The following COL4A2 variants were observed in gnomAD, a reference collection of about 807,000 sequenced individuals.
COL4A2 encodes collagen alpha-2(IV) chain.
Under a neutral mutation model 200.2 loss-of-function variants are expected in COL4A2, and 99 were observed. The observed-to-expected ratio is 0.49, with a 90% CI of 0.42 to 0.58. The LOEUF (loss-of-function observed/expected upper bound fraction) is 0.58, where lower values mean the gene tolerates loss of function less well. Among genes scored for constraint, COL4A2 ranks in the 20% least tolerant of loss-of-function variants. The probability of loss-of-function intolerance (pLI) is 0.00; values close to 1 mark genes in which losing one functional copy is unlikely to be tolerated. For missense variants in COL4A2, 1,950 were observed against 2,314.1 expected (o/e 0.84, Z 3.23); for synonymous variants, 897 against 900.6 (o/e 1.00, Z 0.07).
intron 14 of COL4A2, 60 bp downstream of exon 14, chr13:110,438,097 C>A: frequency 6.8e-7 from 1 of 1,467,680 alleles, no homozygotes; most frequent in East Asian, 2.3e-5. Context: ...GGCGCTCTGC[C>A]AGGCATGACG....
At chr13:110,405,939 G>A (rs1221205882) in intron 4 of COL4A2, among the ~76,000 whole-genome samples, 8 of 152,186 alleles carry the variant, frequency 5.3e-5, no homozygotes, top group Non-Finnish European at 7.3e-5. Flanking sequence ...ACAATGAAGC[G>A]CATTTGTGGC....
intron 4 of COL4A2, among the ~76,000 whole-genome samples, chr13:110,420,077 T>G (rs931941284): frequency 6.6e-6 from 1 of 152,158 alleles, no homozygotes; most frequent in African/African-American, 2.4e-5. Flanking sequence ...ATTCAGGAGT[T>G]CTGGGGCCAG....
At chr13:110,338,115 G>A (rs888076647) in intron 3 of COL4A2, among the ~76,000 whole-genome samples, 1 of 152,082 alleles carries the variant, frequency 6.6e-6, no homozygotes, top group Admixed American at 6.5e-5. Flanking sequence ...AGATCTTTCC[G>A]TGATCCCTTG....
chr13:110,491,756 G>A (rs184033487), intron 37 of COL4A2, among the ~76,000 whole-genome samples: 42 of 152,296 alleles, frequency 2.8e-4, no homozygotes, highest in African/African-American at 8.4e-4. Context: ...ACCGGGGAAT[G>A]CCAAGAGGCT....
rs749736969 is a variant in COL4A2 at position 110,430,534 on chromosome 13, CCTAT to C, written c.586-9_586-6del. 1.9e-6 allele frequency: 3 copies of C among 1,614,204 alleles called. No homozygotes were observed. The South Asian group carries it at 3.3e-5, about 18-fold the overall frequency. ...CTCTCTTAAAAACATTCTCCCGCTG[CCTAT>C]CCATAGGGACCTCCCGGCCGCCCTG... On this transcript the variant is annotated splice_polypyrimidine_tract_variant and splice_region_variant and intron_variant, in intron 9 of 47. Coordinates refer to ENST00000360467, the MANE Select transcript of COL4A2 (RefSeq NM_001846.4).
intron 3 of COL4A2, among the ~76,000 whole-genome samples, chr13:110,348,358 C>T (rs1876804931): frequency 6.6e-6 from 1 of 152,230 alleles, no homozygotes; most frequent in Admixed American, 6.5e-5. Flanking sequence ...GCTGAATTGG[C>T]TGGCTTTGCT....
intron 10 of COL4A2, among the ~76,000 whole-genome samples, chr13:110,431,126 C>T (rs895029899): frequency 1.3e-5 from 2 of 152,078 alleles, no homozygotes; most frequent in African/African-American, 2.4e-5. Context: ...GCTCTCTGGC[C>T]ACTCCCACCA....
chr13:110,310,283 T>A (rs936787664), intron 3 of COL4A2, among the ~76,000 whole-genome samples: 1 of 152,172 alleles, frequency 6.6e-6, no homozygotes, highest in Admixed American at 6.5e-5. Flanking sequence ...CCTGAAAGGC[T>A]TGTTAAGAAG....
chr13:110,494,731 G>A (rs58569545), intron 39 of COL4A2, among the ~76,000 whole-genome samples: 22,293 of 151,924 alleles, frequency 0.15, 1,788 homozygotes, highest in South Asian at 0.25. Context: ...ACACATTTAA[G>A]AGGAAAAAAA....
intron 40 of COL4A2, among the ~76,000 whole-genome samples, chr13:110,497,062 AG>A (rs1883484419): frequency 6.8e-6 from 1 of 147,078 alleles, no homozygotes; most frequent in South Asian, 2.2e-4. Flanking sequence ...AGCTCCACTG[AG>A]GAGTGAGAAT....
intron 3 of COL4A2, among the ~76,000 whole-genome samples, chr13:110,331,728 C>T (rs1406745841): frequency 6.6e-6 from 1 of 152,192 alleles, no homozygotes; most frequent in African/African-American, 2.4e-5. Context: ...TATTTACTCT[C>T]ACAATGTTTG....
intron 3 of COL4A2, among the ~76,000 whole-genome samples, chr13:110,309,957 C>T (rs1195752782): frequency 6.6e-6 from 1 of 152,208 alleles, no homozygotes; most frequent in African/African-American, 2.4e-5. Flanking sequence ...CACCACTGCT[C>T]TCCAGTCTGG....
chr13:110,420,305 A>G (rs1373151702), intron 4 of COL4A2, among the ~76,000 whole-genome samples: 3 of 152,198 alleles, frequency 2.0e-5, no homozygotes, highest in Non-Finnish European at 4.4e-5. Flanking sequence ...GAGAAACCAT[A>G]TTTAAAACTT....
chr13:110,335,218 C>T (rs550709384), intron 3 of COL4A2, among the ~76,000 whole-genome samples: 14 of 152,202 alleles, frequency 9.2e-5, no homozygotes, highest in Admixed American at 3.9e-4. Context: ...CCAACACAGG[C>T]GACTCCTGAG....
In COL4A2 at chr13:110,439,865, T is replaced by C. The variant is rs752751614; in HGVS notation, c.957+32T>C. On this transcript the variant is annotated intron_variant, in intron 16 of 47. Transcript: ENST00000360467. ...TGGATGCATGAACTGCAGTCTGCTCTGGGCCCACGACATCCCACAGAGGTT... is the reference window on the plus strand; with the variant it reads ...TGGATGCATGAACTGCAGTCTGCTCCGGGCCCACGACATCCCACAGAGGTT... The C allele has an allele frequency of 8.7e-6, 14 of 1,610,442 alleles. No homozygotes were observed. The South Asian group carries it at 1.6e-4, about 18-fold the overall frequency.
At chr13:110,460,386 A>G (rs1881977524) in intron 22 of COL4A2, among the ~76,000 whole-genome samples, 4 of 152,228 alleles carry the variant, frequency 2.6e-5, no homozygotes, top group Admixed American at 2.6e-4. Context: ...CTTAAAAAGG[A>G]TGCGATCTCT....
At chr13:110,333,343 C>T (rs1219205809) in intron 3 of COL4A2, among the ~76,000 whole-genome samples, 3 of 152,190 alleles carry the variant, frequency 2.0e-5, no homozygotes, top group Admixed American at 6.5e-5. Flanking sequence ...CTCTTGCAGC[C>T]CTGATGTCCT....
intron 19 of COL4A2, 109 bp from the exon 20 acceptor site, chr13:110,450,196 G>A (rs1184420853): frequency 2.3e-5 from 20 of 874,518 alleles, no homozygotes; most frequent in East Asian, 4.9e-5. Context: ...AGTTATTGAC[G>A]GGGCCATGAA....
At position 110,507,920 on chromosome 13, in the gene COL4A2, C is replaced by G; in HGVS notation, c.4595-15C>G. ...GCCACACTGCACTGTGATCTCATGA[C>G]CCCTCCTTCCACAGGGCTGGCGGGC... is the stretch of plus-strand genomic sequence containing the variant. On this transcript the variant is annotated splice_polypyrimidine_tract_variant and intron_variant, in intron 46 of 47. Transcript: ENST00000360467. 6.2e-7 allele frequency: 1 copy of G among 1,611,594 alleles called. No individual in the cohort carries two copies. Among genetic ancestry groups the G allele is most frequent in the Non-Finnish European group, 8.5e-7 (1 of 1,178,502 alleles).
Sources: gnomAD v4.1 joint callset for allele counts (sites outside exome capture counted in the v4.1 genomes callset) on GRCh38, gnomAD v4.1.1 for gene constraint, MANE v1.5 for transcripts, NCBI Gene and HGNC (gene_info 2026-07-23, HGNC 2026-07-21) for gene names.